MYOM3: variants seen among roughly 807,000 people sequenced by gnomAD.
The protein encoded by MYOM3 is myomesin 3.
Under a neutral mutation model 191.7 loss-of-function variants are expected in MYOM3, and 155 were observed. The ratio of observed to expected loss-of-function variants is 0.81; its 90% CI spans 0.71 to 0.92. MYOM3 has a LOEUF of 0.92. Among genes scored for constraint, MYOM3 ranks in the 40% least tolerant of loss-of-function variants. MYOM3 has a pLI of 0.00. For synonymous variants in MYOM3, 757 were observed against 762.9 expected, an observed-to-expected ratio of 0.99 and a Z score of 0.13; for missense variants, 1,889 against 1,890.6, an observed-to-expected ratio of 1.00 and a Z score of 0.02.
intron 21 of MYOM3, 85 bp downstream of exon 21, chr1:24,076,074 G>A: frequency 1.9e-6 from 2 of 1,066,278 alleles, no homozygotes; most frequent in Non-Finnish European, 2.9e-6. Context: ...CACAGCATCA[G>A]GCTTCTCCCA....
intron 12 of MYOM3, 104 bp from the exon 13 acceptor site, chr1:24,090,222 G>T: frequency 1.1e-6 from 1 of 935,962 alleles, no homozygotes; most frequent in Non-Finnish European, 1.7e-6. Context: ...CCCAGTCCTG[G>T]CCTTGCAGCC....
At position 24,081,617 on chromosome 1, in the gene MYOM3, C is replaced by T. The variant is rs147131286; in HGVS notation, c.2281-161G>A. 753 of 824,706 alleles carry T rather than the reference C, an allele frequency of 9.1e-4. 6 individuals are homozygous for T. In the African/African-American group the frequency reaches 0.012, roughly 13 times the overall value. 51.1% of individuals were successfully genotyped at this position (824,706 alleles called of 1,614,324 possible). A position where few individuals can be genotyped will look rare whatever the true frequency, so the allele number is the denominator to read the frequency against. ...TCACTTTGTCACCCAGGCTGGAGTG[C>T]AGTGGCATGAACATGGCTCACTGCA... On this transcript the variant is annotated intron_variant, in intron 18 of 36. Transcript: ENST00000374434.
In MYOM3 at chr1:24,063,497, A is replaced by G. The variant is rs1211165751; in HGVS notation, c.3656T>C (p.Ile1219Thr). The G allele has an allele frequency of 6.2e-7, 1 of 1,614,118 alleles. No homozygotes were observed. Among genetic ancestry groups the G allele is most frequent in the Non-Finnish European group, 8.5e-7 (1 of 1,179,998 alleles). The change falls in exon 31 of 37, where the codon ATT becomes ACT. Residue 1219 changes from isoleucine (I) to threonine (T), a missense_variant. Physicochemically the swap from Ile to Thr is moderately conservative, Grantham distance 89. Transcript: ENST00000374434. This position sits in a 1 kb window ranked among gnomAD's most constrained non-coding sequence, Gnocchi z 4.5. ...LDAIFTELGR[I>T]GALSATPLKI... ...CAAAGAGGCAGGCTGCTTACCACCA[A>G]TCCTGCCCAACTCGGTGAAGATGGC...
chr1:24,078,688 C>T (rs1342159635), intron 20 of MYOM3, among the ~76,000 whole-genome samples: 3 of 152,218 alleles, frequency 2.0e-5, no homozygotes, highest in Non-Finnish European at 2.9e-5. Context: ...ATCCACATAA[C>T]ATTCTTACAA....
intron 23 of MYOM3, among the ~76,000 whole-genome samples, chr1:24,072,415 C>T (rs1167328612): frequency 6.6e-6 from 1 of 152,168 alleles, no homozygotes; most frequent in Non-Finnish European, 1.5e-5. Flanking sequence ...TTATTGCTCA[C>T]CCCTGTCACA....
chr1:24,086,893 C>T (rs879311779), intron 14 of MYOM3, 66 bp from the exon 15 acceptor site: 112 of 1,501,070 alleles, frequency 7.5e-5, no homozygotes, highest in Non-Finnish European at 9.8e-5. Flanking sequence ...CTGGTCACCT[C>T]CCATGATCTC....
chr1:24,077,070 C>G (rs928297059), intron 20 of MYOM3, among the ~76,000 whole-genome samples: 5 of 152,146 alleles, frequency 3.3e-5, no homozygotes, highest in East Asian at 1.9e-4. Flanking sequence ...GATCCACCCC[C>G]CCTTGGCCGC....
intron 17 of MYOM3, 89 bp downstream of exon 17, chr1:24,082,504 G>C (rs1048502310): frequency 6.8e-7 from 1 of 1,467,714 alleles, no homozygotes; most frequent in South Asian, 1.4e-5. Context: ...CTGGCCACCA[G>C]GACTGGGCCC....
chr1:24,058,923 C>A lies in MYOM3; in HGVS notation c.4050+1G>T. On this transcript the variant is annotated splice_donor_variant, in intron 36 of 36. Coordinates refer to ENST00000374434, the MANE Select transcript of MYOM3 (RefSeq NM_152372.4). LOFTEE classifies it high-confidence loss of function. ...GGCTGTGGGCTGGGAAGGGTCAGTA[C>A]CTTATCTTCCATGATAGTGGCCACA... 6.2e-7 allele frequency: 1 copy of A among 1,609,110 alleles called. No individual in the cohort carries two copies. Among genetic ancestry groups the A allele is most frequent in the Non-Finnish European group, 8.5e-7 (1 of 1,177,736 alleles).
chr1:24,110,009 A>G (rs1644025426), intron 1 of MYOM3, among the ~76,000 whole-genome samples: 1 of 152,192 alleles, frequency 6.6e-6, no homozygotes. Context: ...GGATCCATGG[A>G]TATGGAGAGG....
chr1:24,083,458 G>A (rs547349572), intron 16 of MYOM3: 2 of 152,728 alleles, frequency 1.3e-5, no homozygotes, highest in South Asian at 3.8e-4. Context: ...TGAGGTTTTG[G>A]GACTCGGACT....
chr1:24,066,518 A>C, intron 28 of MYOM3: 1 of 474,682 alleles, frequency 2.1e-6, no homozygotes, highest in South Asian at 2.4e-5. Context: ...AGTGCTAAGA[A>C]GGACCTTAGG....
intron 28 of MYOM3, 49 bp from the exon 29 acceptor site, chr1:24,066,050 G>C (rs375196438): frequency 1.2e-4 from 140 of 1,215,792 alleles, no homozygotes; most frequent in Non-Finnish European, 1.4e-4. Context: ...GTTTCTTTTT[G>C]AGTAAAAACA....
At position 24,074,193 on chromosome 1, in the gene MYOM3, C is replaced by G. The variant is rs983044929; in HGVS notation, c.2935G>C (p.Asp979His). 2 of 1,613,986 alleles carry G rather than the reference C, an allele frequency of 1.2e-6. No individual in the cohort carries two copies. The highest frequency in any genetic ancestry group is 1.7e-6 in the Non-Finnish European group (2 of 1,179,958). Residue 979 changes from aspartate to histidine, a missense_variant, in exon 23 of 37, where the codon GAC becomes CAC. Coordinates refer to ENST00000374434, the MANE Select transcript of MYOM3 (RefSeq NM_152372.4). Reference sequence around the variant, plus strand: ...GTTAGCGTGTGGCTTGCGGAGATGTCTTCATCGGCATCAGTGACTATGACT... The same window carrying G: ...GTTAGCGTGTGGCTTGCGGAGATGTGTTCATCGGCATCAGTGACTATGACT... The part of the protein sequence containing the change: ...YSVIVTDADE[D>H]ISASHTLTEE...
At chr1:24,107,710 C>G (rs1182942765) in intron 3 of MYOM3, among the ~76,000 whole-genome samples, 2 of 152,202 alleles carry the variant, frequency 1.3e-5, no homozygotes, top group Non-Finnish European at 2.9e-5. Context: ...TCTTAGCCCC[C>G]TCCCCCACCA....
At chr1:24,060,061 A>G (rs1323871269) in intron 35 of MYOM3, among the ~76,000 whole-genome samples, 1 of 152,182 alleles carries the variant, frequency 6.6e-6, no homozygotes, top group Admixed American at 6.5e-5. Flanking sequence ...GCAACCCAGT[A>G]TTGGTGAATT....
chr1:24,061,136 C>T, intron 34 of MYOM3, 54 bp from the exon 35 acceptor site: 1 of 1,612,990 alleles, frequency 6.2e-7, no homozygotes, highest in African/African-American at 1.3e-5. Flanking sequence ...AAAGGACAGT[C>T]CAGCCCAGGT....
At chr1:24,090,700 T>C (rs1226055650) in intron 12 of MYOM3, 97 bp downstream of exon 12, 3 of 1,247,166 alleles carry the variant, frequency 2.4e-6, no homozygotes, top group Non-Finnish European at 3.4e-6. Flanking sequence ...TCCACCAGAC[T>C]CGGGGCTCCT....
chr1:24,067,391 C>T (rs1271396571), intron 27 of MYOM3, among the ~76,000 whole-genome samples: 1,130 of 25,962 alleles, frequency 0.044, 18 homozygotes, highest in South Asian at 0.065. Context: ...TTTCTTTTTC[C>T]TTCCTTCCTT....
Sources: gnomAD v4.1 joint callset for allele counts (sites outside exome capture counted in the v4.1 genomes callset) on GRCh38, gnomAD v4.1.1 for gene constraint, Gnocchi (gnomAD v3.1) non-coding constraint, MANE v1.5 for transcripts, NCBI Gene and HGNC (gene_info 2026-07-23, HGNC 2026-07-21) for gene names.